Variants in HCRTR2 observed in about 807,000 individuals in gnomAD.
The protein encoded by HCRTR2 is orexin receptor type 2.
In HCRTR2, 22 loss-of-function variants were observed where a neutral mutation model predicts 49.0. The ratio of observed to expected loss-of-function variants is 0.45; its 90% CI spans 0.32 to 0.64. HCRTR2 has a LOEUF of 0.64. HCRTR2 is among the 30% of genes least tolerant of loss of function. The pLI is 0.04. For missense variants in HCRTR2, 491 were observed against 559.4 expected, an observed-to-expected ratio of 0.88 and a Z score of 1.23; for synonymous variants, 236 against 205.3, an observed-to-expected ratio of 1.15 and a Z score of -1.28.
chr6:55,274,657 G>T (rs141573639), intron 4 of HCRTR2, among the ~76,000 whole-genome samples: 2 of 151,938 alleles, frequency 1.3e-5, no homozygotes, highest in Non-Finnish European at 2.9e-5. Flanking sequence ...TTGATTTTTT[G>T]AGTGGTAAGC....
intron 1 of HCRTR2, among the ~76,000 whole-genome samples, chr6:55,131,889 T>C (rs890426105): frequency 3.3e-5 from 5 of 151,746 alleles, no homozygotes; most frequent in Non-Finnish European, 7.4e-5. Context: ...AGCTAGTAAA[T>C]GAACCTGGAA....
intron 1 of HCRTR2, among the ~76,000 whole-genome samples, chr6:55,158,398 C>T (rs1764759551): frequency 6.6e-6 from 1 of 152,180 alleles, no homozygotes; most frequent in Non-Finnish European, 1.5e-5. Flanking sequence ...AGGCACCGAG[C>T]TAGCTGCAGG....
intron 1 of HCRTR2, among the ~76,000 whole-genome samples, chr6:55,182,205 T>A (rs2127273692): frequency 6.6e-6 from 1 of 152,322 alleles, no homozygotes; most frequent in Non-Finnish European, 1.5e-5. Context: ...GTAATCAGTT[T>A]CCAATATGGC....
upstream of HCRTR2, among the ~76,000 whole-genome samples, chr6:55,170,917 C>A (rs1764940913): frequency 6.6e-6 from 1 of 151,824 alleles, no homozygotes. Context: ...TGAACTCATC[C>A]TTTTTTTGGC....
At chr6:55,279,838 G>A (rs1005103028) in intron 5 of HCRTR2, among the ~76,000 whole-genome samples, 2 of 151,890 alleles carry the variant, frequency 1.3e-5, no homozygotes, top group Non-Finnish European at 2.9e-5. Context: ...GTATTAAGGA[G>A]TCCCAGAAGG....
intron 1 of HCRTR2, among the ~76,000 whole-genome samples, chr6:55,163,202 AC>A (rs1764829861): frequency 6.6e-6 from 1 of 151,862 alleles, no homozygotes; most frequent in South Asian, 2.1e-4. Flanking sequence ...CTGTCACTGC[AC>A]TCCAGCCTGA....
intron 1 of HCRTR2, among the ~76,000 whole-genome samples, chr6:55,128,809 C>G (rs1299257637): frequency 6.6e-6 from 1 of 152,050 alleles, no homozygotes; most frequent in Non-Finnish European, 1.5e-5. Flanking sequence ...CTGTAGCACA[C>G]TAGTATTTAT....
chr6:55,207,109 C>T (rs890734415), intron 1 of HCRTR2, among the ~76,000 whole-genome samples: 17 of 152,002 alleles, frequency 1.1e-4, no homozygotes, highest in Admixed American at 2.0e-4. Context: ...ATCTAAGAAT[C>T]TTTGGAAATT....
chr6:55,240,820 G>T (rs1318511401), intron 1 of HCRTR2: 2 of 414,790 alleles, frequency 4.8e-6, no homozygotes, highest in East Asian at 1.5e-4. Context: ...TTGAAAATAG[G>T]AGTTAAATAT....
chr6:55,155,372 A>G (rs918864787), intron 1 of HCRTR2, among the ~76,000 whole-genome samples: 2 of 151,870 alleles, frequency 1.3e-5, no homozygotes, highest in African/African-American at 4.8e-5. Context: ...CAAATAACAA[A>G]CCCACTTAAT....
intron 1 of HCRTR2, among the ~76,000 whole-genome samples, chr6:55,227,398 C>A (rs1352869039): frequency 3.9e-5 from 6 of 152,062 alleles, no homozygotes; most frequent in Admixed American, 3.9e-4. Flanking sequence ...TAACTCTATC[C>A]AATTCTATTT....
chr6:55,201,062 G>T (rs781433338), intron 1 of HCRTR2, among the ~76,000 whole-genome samples: 15 of 152,076 alleles, frequency 9.9e-5, no homozygotes, highest in Admixed American at 2.0e-4. Flanking sequence ...GAGTTAAGCT[G>T]ATGAGAGTAG....
At chr6:55,117,679 A>C (rs758967164) in intron 1 of HCRTR2, among the ~76,000 whole-genome samples, 38 of 149,390 alleles carry the variant, frequency 2.5e-4, no homozygotes, top group Non-Finnish European at 4.6e-4. Context: ...TTTTCTGCAT[A>C]CTCTCCATCC....
intron 1 of HCRTR2, among the ~76,000 whole-genome samples, chr6:55,223,901 G>A (rs546311944): frequency 6.6e-6 from 1 of 152,290 alleles, no homozygotes; most frequent in African/African-American, 2.4e-5. Flanking sequence ...ATGCAGAGCT[G>A]TTAATGGCAG....
chr6:55,255,427 A>G (rs760028265), intron 3 of HCRTR2, 48 bp downstream of exon 3: 4 of 1,605,426 alleles, frequency 2.5e-6, no homozygotes, highest in Admixed American at 1.7e-5. Flanking sequence ...ACAGCAGCAA[A>G]TTGAAAATTG....
At chr6:55,269,340 A>C (rs1310352575) in intron 4 of HCRTR2, among the ~76,000 whole-genome samples, 1 of 152,048 alleles carries the variant, frequency 6.6e-6, no homozygotes, top group Non-Finnish European at 1.5e-5. Context: ...GATTCTTTTC[A>C]GGGCAAACAG....
At chr6:55,167,143 C>T (rs1443663860) in intron 1 of HCRTR2, among the ~76,000 whole-genome samples, 1 of 152,074 alleles carries the variant, frequency 6.6e-6, no homozygotes, top group Non-Finnish European at 1.5e-5. Context: ...TAAAACATTA[C>T]TGTTGTGTTA....
intron 1 of HCRTR2, among the ~76,000 whole-genome samples, chr6:55,210,399 G>A (rs1167389216): frequency 6.6e-6 from 1 of 152,108 alleles, no homozygotes; most frequent in East Asian, 1.9e-4. Flanking sequence ...ACTCTGTGAT[G>A]CTGTAATTCT....
At chr6:55,141,842 A>G (rs1157220623) in intron 1 of HCRTR2, among the ~76,000 whole-genome samples, 1 of 152,200 alleles carries the variant, frequency 6.6e-6, no homozygotes, top group Non-Finnish European at 1.5e-5. Context: ...CAAATATTAC[A>G]CATGTACAAA....
Sources: gnomAD v4.1 joint callset for allele counts (sites outside exome capture counted in the v4.1 genomes callset) on GRCh38, gnomAD v4.1.1 for gene constraint, MANE v1.5 for transcripts, NCBI Gene and HGNC (gene_info 2026-07-23, HGNC 2026-07-21) for gene names.